THRAP3: variants seen among roughly 807,000 people sequenced by gnomAD.
THRAP3 encodes the protein thyroid hormone receptor-associated protein 3.
THRAP3 carries 16 observed loss-of-function variants against 101.0 expected under a neutral mutation model. The ratio of observed to expected loss-of-function variants is 0.16; its 90% CI spans 0.11 to 0.24. The LOEUF (loss-of-function observed/expected upper bound fraction) is 0.24, where lower values mean the gene tolerates loss of function less well. Among genes scored for constraint, THRAP3 ranks in the 10% least tolerant of loss-of-function variants. THRAP3 has a pLI of 1.00. For synonymous variants in THRAP3, 407 were observed against 422.6 expected (o/e 0.96, Z 0.45); for missense variants, 989 against 1,202.7 (o/e 0.82, Z 2.63).
At position 36,252,775 on chromosome 1, in the gene THRAP3, C is replaced by T. The variant is rs181322606; in HGVS notation, c.-134-6607C>T. Among the ~76,000 whole-genome samples, 815 of 151,356 alleles carry T rather than the reference C, an allele frequency of 5.4e-3. 5 individuals carry two copies. Among genetic ancestry groups the T allele is most frequent in the Non-Finnish European group, 9.4e-3 (635 of 67,820 alleles). On this transcript the variant is annotated intron_variant, in intron 1 of 11. Coordinates refer to ENST00000354618, the MANE Select transcript of THRAP3 (RefSeq NM_005119.4). ...CAAAAAAATTAGCCAGGCATTGTGG[C>T]GCAAGCTTGTAATCCCAGCTACTTG...
At position 36,225,819 on chromosome 1, in the gene THRAP3, A is replaced by G. The variant is rs918766390; in HGVS notation, c.-135+1314A>G. Among the ~76,000 whole-genome samples the G allele has an allele frequency of 5.3e-5, 8 of 152,226 alleles. No homozygotes were observed. In the South Asian group the frequency reaches 8.3e-4, roughly 16 times the overall value. ...GCCGGGAGATGTATTTTGTGAGCCAATGTTCATACGTTAATGATAAGTTTT... is the reference window on the plus strand; with the variant it reads ...GCCGGGAGATGTATTTTGTGAGCCAGTGTTCATACGTTAATGATAAGTTTT... On this transcript the variant is annotated intron_variant, in intron 1 of 11. Transcript: ENST00000354618.
At chr1:36,268,687 A>G (rs889609149) in intron 2 of THRAP3, among the ~76,000 whole-genome samples, 3 of 151,730 alleles carry the variant, frequency 2.0e-5, no homozygotes, top group Admixed American at 6.6e-5. Flanking sequence ...CTTAATGACT[A>G]CTTAGAAAAG....
chr1:36,259,831 C>T (rs1250661709), intron 2 of THRAP3, among the ~76,000 whole-genome samples: 1 of 151,702 alleles, frequency 6.6e-6, no homozygotes, highest in Non-Finnish European at 1.5e-5. Flanking sequence ...GTTCTGGGTT[C>T]TTATGAAACA....
At chr1:36,300,774 TTTC>T (rs1373826275) in intron 9 of THRAP3, 109 bp from the exon 10 acceptor site, 5 of 1,066,752 alleles carry the variant, frequency 4.7e-6, no homozygotes, top group Non-Finnish European at 6.9e-6. Context: ...TCATCATCAG[TTTC>T]TTCCATCACA....
the THRAP3 span, among the ~76,000 whole-genome samples, chr1:36,212,581 C>A: frequency 6.6e-6 from 1 of 151,890 alleles, no homozygotes; most frequent in Non-Finnish European, 1.5e-5. Flanking sequence ...CCACCATGCT[C>A]GGCCAGTTTT....
At chr1:36,213,378 G>A in the THRAP3 span, among the ~76,000 whole-genome samples, 1 of 152,108 alleles carries the variant, frequency 6.6e-6, no homozygotes, top group Non-Finnish European at 1.5e-5. Flanking sequence ...ACTGTTCTAA[G>A]ACATGTTCTG....
chr1:36,295,165 A>G (rs981888159), intron 8 of THRAP3, among the ~76,000 whole-genome samples: 10 of 151,678 alleles, frequency 6.6e-5, no homozygotes, highest in African/African-American at 1.7e-4. Context: ...GGAGGTTGCA[A>G]TGAGCCAAGA....
At chr1:36,209,062 G>A in the THRAP3 span, among the ~76,000 whole-genome samples, 10 of 133,648 alleles carry the variant, frequency 7.5e-5, no homozygotes, top group Non-Finnish European at 1.4e-4. Flanking sequence ...CTGCAGCCTC[G>A]AACTCCTGGG....
chr1:36,220,105 T>C (rs1644894664), upstream of THRAP3, among the ~76,000 whole-genome samples: 1 of 152,150 alleles, frequency 6.6e-6, no homozygotes, highest in African/African-American at 2.4e-5. Flanking sequence ...GTGATTCTCC[T>C]GCCTCAGCCT....
intron 4 of THRAP3, 110 bp from the exon 5 acceptor site, chr1:36,288,950 C>T: frequency 7.3e-7 from 1 of 1,374,958 alleles, no homozygotes; most frequent in South Asian, 2.0e-5. Flanking sequence ...TACAGGAATC[C>T]ATAAGACATG....
chr1:36,213,475 G>C, the THRAP3 span, among the ~76,000 whole-genome samples: 1 of 150,066 alleles, frequency 6.7e-6, no homozygotes, highest in Admixed American at 7.0e-5. Flanking sequence ...TGTTGTGACT[G>C]ATGTAATATG....
At chr1:36,295,937 A>G (rs1181594719) in intron 8 of THRAP3, among the ~76,000 whole-genome samples, 1 of 127,670 alleles carries the variant, frequency 7.8e-6, no homozygotes, top group Non-Finnish European at 1.6e-5. Flanking sequence ...TTCCAGAGCT[A>G]ATTTTAGCCT....
chr1:36,276,470 G>A (rs1343661597), intron 2 of THRAP3, among the ~76,000 whole-genome samples: 1 of 150,114 alleles, frequency 6.7e-6, no homozygotes, highest in East Asian at 2.0e-4. Flanking sequence ...GTTGCAGTGA[G>A]CTGAGATCGT....
the THRAP3 span, among the ~76,000 whole-genome samples, chr1:36,209,478 C>T: frequency 6.6e-6 from 1 of 152,142 alleles, no homozygotes; most frequent in African/African-American, 2.4e-5. Context: ...CCCCCATGCT[C>T]GGGGTTGTGA....
intron 2 of THRAP3, among the ~76,000 whole-genome samples, chr1:36,274,189 G>C (rs770469703): frequency 1.3e-4 from 19 of 151,948 alleles, no homozygotes; most frequent in Non-Finnish European, 2.4e-4. Context: ...TCAATCGTAA[G>C]TAATTTCATT....
chr1:36,295,633 C>G lies in THRAP3; in HGVS notation c.2116-950C>G, dbSNP rs149263050. Reference sequence around the variant, plus strand: ...CTTCCCTCCCTTCCTCCCTTTCTCCCTGTTTCTTTGGTTTCTTTCCCCCTT... The same window carrying G: ...CTTCCCTCCCTTCCTCCCTTTCTCCGTGTTTCTTTGGTTTCTTTCCCCCTT... On this transcript the variant is annotated intron_variant, in intron 8 of 11. Transcript: ENST00000354618. Among the ~76,000 whole-genome samples the G allele has an allele frequency of 3.1e-3, 474 of 151,044 alleles. 4 individuals are homozygous for G. The highest frequency in any genetic ancestry group is 0.011 in the African/African-American group (455 of 40,968).
At position 36,281,474 on chromosome 1, in the gene THRAP3, G is replaced by C. The variant is rs563278765; in HGVS notation, c.-31-1059G>C. Among the ~76,000 whole-genome samples the C allele has an allele frequency of 2.6e-5, 4 of 152,118 alleles. No individual in the cohort carries two copies. In the South Asian group the frequency reaches 8.3e-4, roughly 32 times the overall value. ...ATTACCCAGTTAGGGTTACATGTCAGGTTTTCCATTTGCTGCTGTGGCTTG... is the reference window on the plus strand; with the variant it reads ...ATTACCCAGTTAGGGTTACATGTCACGTTTTCCATTTGCTGCTGTGGCTTG... On this transcript the variant is annotated intron_variant, in intron 2 of 11. Transcript: ENST00000354618.
At chr1:36,303,149 G>GA (rs1646051784) in intron 11 of THRAP3, among the ~76,000 whole-genome samples, 1 of 141,804 alleles carries the variant, frequency 7.1e-6, no homozygotes, top group African/African-American at 2.7e-5. Flanking sequence ...TTTTAGTAGA[G>GA]ACGGGGTTTT....
At chr1:36,292,017 C>G (rs759658604) in intron 6 of THRAP3, among the ~76,000 whole-genome samples, 1 of 152,060 alleles carries the variant, frequency 6.6e-6, no homozygotes, top group African/African-American at 2.4e-5. Flanking sequence ...TAAACTCAAG[C>G]AAGAGTTGGT....
Sources: gnomAD v4.1 joint callset for allele counts (sites outside exome capture counted in the v4.1 genomes callset) on GRCh38, gnomAD v4.1.1 for gene constraint, MANE v1.5 for transcripts, NCBI Gene and HGNC (gene_info 2026-07-23, HGNC 2026-07-21) for gene names.